Variants in PPP1R1C observed in about 807,000 individuals in gnomAD.
PPP1R1C encodes the protein protein phosphatase 1 regulatory subunit 1C.
In PPP1R1C, 15 loss-of-function variants were observed where a neutral mutation model predicts 17.4. The ratio of observed to expected loss-of-function variants is 0.86; its 90% confidence interval spans 0.58 to 1.33. The LOEUF (loss-of-function observed/expected upper bound fraction) is 1.33, where lower values mean the gene tolerates loss of function less well. Among genes scored for constraint, PPP1R1C ranks in the 40% most tolerant of loss-of-function variants. The probability of loss-of-function intolerance (pLI) is 0.00; values close to 1 mark genes in which losing one functional copy is unlikely to be tolerated. For missense variants in PPP1R1C, 143 were observed against 130.0 expected (o/e 1.10, Z -0.48); for synonymous variants, 35 against 43.1 (o/e 0.81, Z 0.73).
chr2:182,076,223 T>C (rs1003796487), intron 4 of PPP1R1C, among the ~76,000 whole-genome samples: 2 of 113,914 alleles, frequency 1.8e-5, no homozygotes, highest in Admixed American at 9.7e-5. Context: ...TTTTTTTTTT[T>C]TTTTTTTTTT....
intron 4 of PPP1R1C, among the ~76,000 whole-genome samples, chr2:182,076,840 G>T (rs982529003): frequency 5.9e-5 from 9 of 152,044 alleles, no homozygotes; most frequent in Admixed American, 6.6e-5. Context: ...ATCCTACCAC[G>T]AAGAAATATG....
At chr2:182,003,538 G>A (rs191020891) in intron 2 of PPP1R1C, among the ~76,000 whole-genome samples, 1 of 151,968 alleles carries the variant, frequency 6.6e-6, no homozygotes, top group Non-Finnish European at 1.5e-5. Context: ...TTGCAGCTCA[G>A]AGCTGAAAAA....
intron 4 of PPP1R1C, among the ~76,000 whole-genome samples, chr2:182,099,073 A>G (rs1285016217): frequency 6.6e-6 from 1 of 152,336 alleles, no homozygotes; most frequent in East Asian, 1.9e-4. Flanking sequence ...AGATCCTGGC[A>G]GAATGAGAAA....
At chr2:181,978,786 A>G (rs1223269542) in intron 2 of PPP1R1C, among the ~76,000 whole-genome samples, 2 of 151,454 alleles carry the variant, frequency 1.3e-5, no homozygotes, top group Non-Finnish European at 2.9e-5. Context: ...TTAGACTACA[A>G]CTCTTGGTGG....
At chr2:182,130,545 G>T (rs1689984119), downstream of PPP1R1C, 3 of 152,122 alleles carry the variant, frequency 2.0e-5, no homozygotes, top group South Asian at 2.1e-4. Context: ...AAAATAGTTT[G>T]CAGATGGTTG....
At chr2:182,055,030 C>G (rs973878536) in intron 2 of PPP1R1C, among the ~76,000 whole-genome samples, 1 of 151,968 alleles carries the variant, frequency 6.6e-6, no homozygotes, top group African/African-American at 2.4e-5. Flanking sequence ...TTAGGACTTA[C>G]ATCTACCATT....
Position 182,117,430 on chromosome 2 carries a change from C to T in PPP1R1C, c.*135C>T, listed in dbSNP as rs1689622120. On this transcript the variant is annotated 3_prime_UTR_variant, in exon 5 of 5. Coordinates refer to ENST00000682840, the MANE Select transcript of PPP1R1C (RefSeq NM_001080545.3). ...ACCCCACACTCATACAGTAGCTATG[C>T]ACATCCTGGAAGTCTCCTTGACTGA... 4.8e-6 allele frequency: 3 copies of T among 620,644 alleles called. No individual in the cohort carries two copies. Among genetic ancestry groups the T allele is most frequent in the Admixed American group, 6.7e-5 (2 of 29,816 alleles). The allele number at this position is 620,644 out of a possible 1,614,324, so 38.4% of individuals were successfully genotyped here. A position where few individuals can be genotyped will look rare whatever the true frequency, so the allele number is the denominator to read the frequency against.
intron 1 of PPP1R1C, among the ~76,000 whole-genome samples, chr2:181,964,659 G>T (rs549060864): frequency 2.0e-5 from 3 of 152,010 alleles, no homozygotes; most frequent in African/African-American, 4.8e-5. Context: ...AAAAAAAGCC[G>T]TTTTAACTTG....
At chr2:182,068,599 A>G (rs1407753898) in intron 4 of PPP1R1C, among the ~76,000 whole-genome samples, 2 of 152,152 alleles carry the variant, frequency 1.3e-5, no homozygotes, top group Non-Finnish European at 2.9e-5. Flanking sequence ...TTTCTTTTAA[A>G]CAAATGTGGC....
At chr2:182,118,065 C>G (rs1451890643), downstream of PPP1R1C, 3 of 152,012 alleles carry the variant, frequency 2.0e-5, no homozygotes, top group Non-Finnish European at 2.9e-5. Flanking sequence ...CATCTATTTC[C>G]TATTGCATTT....
intron 4 of PPP1R1C, among the ~76,000 whole-genome samples, chr2:182,112,375 AT>A (rs1689467223): frequency 6.6e-6 from 1 of 152,136 alleles, no homozygotes; most frequent in Non-Finnish European, 1.5e-5. Flanking sequence ...TCCAAATTCT[AT>A]TGAAAATCAT....
At chr2:181,963,074 A>G (rs1209708455) in intron 1 of PPP1R1C, among the ~76,000 whole-genome samples, 1 of 152,200 alleles carries the variant, frequency 6.6e-6, no homozygotes. Context: ...GCAAGTTTCT[A>G]TGTTCAGAGC....
At chr2:181,994,882 T>A (rs1685571008) in intron 2 of PPP1R1C, among the ~76,000 whole-genome samples, 1 of 152,218 alleles carries the variant, frequency 6.6e-6, no homozygotes, top group Admixed American at 6.5e-5. Context: ...TTGCATGACT[T>A]ATTTTGATCT....
At chr2:181,974,879 C>T (rs1209960180) in intron 1 of PPP1R1C, among the ~76,000 whole-genome samples, 1 of 152,208 alleles carries the variant, frequency 6.6e-6, no homozygotes, top group Non-Finnish European at 1.5e-5. Flanking sequence ...TTTTAAAGTG[C>T]TTCACCATTA....
intron 4 of PPP1R1C, among the ~76,000 whole-genome samples, chr2:182,067,547 T>C (rs1688020798): frequency 6.6e-6 from 1 of 152,140 alleles, no homozygotes; most frequent in Non-Finnish European, 1.5e-5. Context: ...CTGATCATGG[T>C]GATTTCCTGG....
intron 4 of PPP1R1C, among the ~76,000 whole-genome samples, chr2:182,095,174 C>CT (rs1553512446): frequency 6.6e-6 from 1 of 152,062 alleles, no homozygotes; most frequent in Non-Finnish European, 1.5e-5. Context: ...TGGCATGGAC[C>CT]TGTAGTCCCA....
intron 4 of PPP1R1C, among the ~76,000 whole-genome samples, chr2:182,081,712 A>G (rs1290475612): frequency 2.0e-5 from 3 of 152,128 alleles, no homozygotes; most frequent in African/African-American, 7.2e-5. Flanking sequence ...CATAATAAAA[A>G]CTCCTGCACT....
chr2:181,994,750 G>T (rs570264510), intron 2 of PPP1R1C, among the ~76,000 whole-genome samples: 1 of 152,288 alleles, frequency 6.6e-6, no homozygotes, highest in East Asian at 1.9e-4. Context: ...AGAATATTAT[G>T]TCTGGATGTA....
At chr2:182,045,014 G>T (rs1687301366) in intron 2 of PPP1R1C, among the ~76,000 whole-genome samples, 1 of 151,934 alleles carries the variant, frequency 6.6e-6, no homozygotes, top group African/African-American at 2.4e-5. Context: ...TTTCCTATCT[G>T]AACTTGGTGC....
Sources: gnomAD v4.1 joint callset for allele counts (sites outside exome capture counted in the v4.1 genomes callset) on GRCh38, gnomAD v4.1.1 for gene constraint, MANE v1.5 for transcripts, NCBI Gene and HGNC (gene_info 2026-07-23, HGNC 2026-07-21) for gene names.